DNASE2: variants seen among roughly 807,000 people sequenced by gnomAD.
The protein encoded by DNASE2 is deoxyribonuclease 2, lysosomal.
A neutral mutation model predicts 29.8 loss-of-function variants in DNASE2; 26 were observed. That is an observed-to-expected ratio of 0.87 (90% confidence interval 0.64 to 1.21). DNASE2 has a LOEUF of 1.21. Ranked by LOEUF, DNASE2 falls within the 50% of genes most tolerant of loss-of-function variation. DNASE2 has a pLI of 0.00. For missense variants in DNASE2, 415 were observed against 455.6 expected (o/e 0.91, Z 0.81); for synonymous variants, 186 against 193.5 (o/e 0.96, Z 0.32).
In DNASE2 at chr19:12,875,903, G is replaced by A. The variant is rs1394188971; in HGVS notation, c.*87C>T. On this transcript the variant is annotated 3_prime_UTR_variant, in exon 6 of 6. Transcript: ENST00000222219. Reference sequence around the variant, plus strand: ...TCACTATGTAGCCCAGGCTGGTCTCGAATTCCTGAGTTCAAGTGATCCTCC... The same window carrying A: ...TCACTATGTAGCCCAGGCTGGTCTCAAATTCCTGAGTTCAAGTGATCCTCC... The A allele has an allele frequency of 9.0e-6, 14 of 1,559,174 alleles. No homozygotes were observed. Among genetic ancestry groups the A allele is most frequent in the Admixed American group, 5.2e-5 (3 of 57,950 alleles).
chr19:12,876,694 C>T lies in DNASE2; in HGVS notation c.710-331G>A, dbSNP rs143358460. Among the ~76,000 whole-genome samples, 641 of 151,750 alleles carry T rather than the reference C, an allele frequency of 4.2e-3. 4 individuals carry two copies. Among genetic ancestry groups the T allele is most frequent in the African/African-American group, 0.014 (578 of 41,352 alleles). ...CTCAAACTCCTGATCTCAAGCAATC[C>T]GCCCACCTCGGTCTTCCAAAATGCT... On this transcript the variant is annotated intron_variant, in intron 5 of 5. Transcript: ENST00000222219.
chr19:12,880,420 G>C (rs1310208367), intron 3 of DNASE2, among the ~76,000 whole-genome samples: 3 of 152,104 alleles, frequency 2.0e-5, no homozygotes, highest in Non-Finnish European at 4.4e-5. Flanking sequence ...GGGAGGCCAA[G>C]GCGGGTAGAT....
In DNASE2 at chr19:12,880,977, TGGTGTTGCTCC is replaced by T; in HGVS notation, c.251_261del (p.Arg84GlnfsTer10). The T allele has an allele frequency of 5.0e-6, 8 of 1,614,170 alleles. No homozygotes were observed. Among genetic ancestry groups the T allele is most frequent in the Non-Finnish European group, 6.8e-6 (8 of 1,180,038 alleles). ...TGGCCCGGGGCCCCCTTCACCTGGCTGGTGTTGCTCCGGTACAGCGGCTGCAGGCTTCGGCC... is the reference window on the plus strand; with the variant it reads ...TGGCCCGGGGCCCCCTTCACCTGGCTGGTACAGCGGCTGCAGGCTTCGGCC... On this transcript the variant is annotated frameshift_variant, in exon 2 of 6. Coordinates refer to ENST00000222219, the MANE Select transcript of DNASE2 (RefSeq NM_001375.3). LOFTEE classifies it high-confidence loss of function.
chr19:12,879,484 C>CAA (rs35693082), intron 3 of DNASE2, among the ~76,000 whole-genome samples: 1,464 of 71,078 alleles, frequency 0.021, 18 homozygotes, highest in Admixed American at 0.05. Flanking sequence ...AACTCCTTCT[C>CAA]AAAAAAAAAA....
Position 12,881,026 on chromosome 19 carries a change from C to G in DNASE2, c.213G>C (p.Pro71=). 1 of 1,613,862 alleles carries G rather than the reference C, an allele frequency of 6.2e-7. No individual in the cohort carries two copies. Among genetic ancestry groups the G allele is most frequent in the Non-Finnish European group, 8.5e-7 (1 of 1,180,020 alleles). Residue 71 remains proline (P), a synonymous_variant, in exon 2 of 6, where the codon CCG becomes CCC. Transcript: ENST00000222219. The part of the protein sequence containing the change: ...WRDGRALINS[P]EGAVGRSLQP... ...GCAGGCTTCGGCCCACGGCCCCCTC[C>G]GGGCTGTTGATGAGTGCCCTGCCGT... is the stretch of plus-strand genomic sequence containing the variant.
intron 5 of DNASE2, among the ~76,000 whole-genome samples, chr19:12,877,446 C>A (rs1970334392): frequency 6.6e-6 from 1 of 151,026 alleles, no homozygotes; most frequent in Admixed American, 6.6e-5. Context: ...CGCTGTGTTG[C>A]CCAGGCTGGT....
chr19:12,875,216 A>C lies in DNASE2; in HGVS notation c.*774T>G. ...AGAAGGTTAACAGCCTCGTCCACCAATTTCCATTTATTTACTCCTCAACAA... is the reference window on the plus strand; with the variant it reads ...AGAAGGTTAACAGCCTCGTCCACCACTTTCCATTTATTTACTCCTCAACAA... On this transcript the variant is annotated 3_prime_UTR_variant, in exon 6 of 6. Coordinates refer to ENST00000222219, the MANE Select transcript of DNASE2 (RefSeq NM_001375.3). 2 of 333,462 alleles carry C rather than the reference A, an allele frequency of 6.0e-6. No homozygotes were observed. The highest frequency in any genetic ancestry group is 2.1e-5 in the African/African-American group (1 of 47,656). The allele number at this position is 333,462 out of a possible 1,614,324, so 20.7% of individuals were successfully genotyped here.
rs750372910 is a variant in DNASE2, at chr19:12,876,126, T to C, written c.947A>G (p.Gln316Arg). Residue 316 changes from glutamine to arginine, a missense_variant, in exon 6 of 6, where the codon CAG becomes CGG. Coordinates refer to ENST00000222219, the MANE Select transcript of DNASE2 (RefSeq NM_001375.3). ...WTCVGDMNRN[Q>R]GEEQRGGGTL... is the part of the protein sequence containing the mutation. ...GCCCCCACCCCGTTGCTCCTCTCCC[T>C]GGTTCCGATTCATGTCACCCACGCA... 2 of 1,614,192 alleles carry C rather than the reference T, an allele frequency of 1.2e-6. No individual in the cohort carries two copies. Among genetic ancestry groups the C allele is most frequent in the South Asian group, 2.2e-5 (2 of 91,090 alleles).
intron 3 of DNASE2, among the ~76,000 whole-genome samples, chr19:12,879,166 A>AAGTAAG (rs1339540525): frequency 0.057 from 8,073 of 140,862 alleles, 373 homozygotes; most frequent in African/African-American, 0.13. Flanking sequence ...AAGTAAGTAA[A>AAGTAAG]TAAATAAATA....
Position 12,876,246 on chromosome 19 carries a change from A to G in DNASE2, c.827T>C (p.Val276Ala), listed in dbSNP as rs752333082. Residue 276 changes from valine (V) to alanine (A), a missense_variant, in exon 6 of 6, where the codon GTG becomes GCG. Transcript: ENST00000222219. ...NCSDIWQVLN[V>A]NQIAFPGPAG... ...TGGTCCAGGGAAAGCTATCTGGTTC[A>G]CATTCAGAACCTGCCAGATATCCGA... The G allele has an allele frequency of 1.2e-6, 2 of 1,614,174 alleles. No individual in the cohort carries two copies. The highest frequency in any genetic ancestry group is 1.7e-6 in the Non-Finnish European group (2 of 1,180,030).
At chr19:12,879,725 C>T (rs747856119) in intron 3 of DNASE2, among the ~76,000 whole-genome samples, 6 of 152,130 alleles carry the variant, frequency 3.9e-5, no homozygotes, top group Non-Finnish European at 8.8e-5. Context: ...AATCGCAGCA[C>T]ATTAAGAGGC....
chr19:12,876,160 GC>G lies in DNASE2; in HGVS notation c.912del (p.Trp306GlyfsTer7). 6.2e-7 allele frequency: 1 copy of G among 1,614,222 alleles called. No individual in the cohort carries two copies. Among genetic ancestry groups the G allele is most frequent in the Non-Finnish European group, 8.5e-7 (1 of 1,180,042 alleles). The part of the protein sequence containing the change: ...DHSKWCVSPK[G>X]PWTCVGDMNR... Reference sequence around the variant, plus strand: ...TTCATGTCACCCACGCAGGTCCAGGGCCCTTTTGGGGACACGCACCATTTGG... The same window carrying G: ...TTCATGTCACCCACGCAGGTCCAGGGCCTTTTGGGGACACGCACCATTTGG... On this transcript the variant is annotated frameshift_variant, in exon 6 of 6. Transcript: ENST00000222219. LOFTEE classifies it low-confidence loss of function (END_TRUNC).
At chr19:12,876,921 C>T (rs1970327814) in intron 5 of DNASE2, among the ~76,000 whole-genome samples, 1 of 152,018 alleles carries the variant, frequency 6.6e-6, no homozygotes, top group Admixed American at 6.6e-5. Flanking sequence ...CTCCTGGTTT[C>T]AAGCGATTCT....
At position 12,878,842 on chromosome 19, in the gene DNASE2, A is replaced by G; in HGVS notation, c.347-8T>C. 3.1e-6 allele frequency: 5 copies of G among 1,611,258 alleles called. No individual in the cohort carries two copies. Among genetic ancestry groups the G allele is most frequent in the Non-Finnish European group, 3.4e-6 (4 of 1,179,154 alleles). ...GGTCAAGGAGCAGGACACCTGGACC[A>G]AAAGAAGGCATTAGGGGAGGTCGGG... On this transcript the variant is annotated splice_region_variant and splice_polypyrimidine_tract_variant and intron_variant, in intron 3 of 5. Transcript: ENST00000222219.
chr19:12,880,948 T>C, intron 2 of DNASE2, 24 bp downstream of exon 2: 1 of 1,614,202 alleles, frequency 6.2e-7, no homozygotes, highest in Non-Finnish European at 8.5e-7. Flanking sequence ...GTTTCGCCCC[T>C]AGTTGGCCCG....
intron 5 of DNASE2, among the ~76,000 whole-genome samples, chr19:12,877,494 C>A (rs1043615038): frequency 1.3e-5 from 2 of 152,134 alleles, no homozygotes; most frequent in Admixed American, 6.6e-5. Flanking sequence ...CCTGCCTCGA[C>A]TGGGATTACA....
In DNASE2 at chr19:12,878,858, G is replaced by A. The variant is rs375115482; in HGVS notation, c.347-24C>T. 3.1e-6 allele frequency: 5 copies of A among 1,605,340 alleles called. No homozygotes were observed. The African/African-American group carries it at 5.4e-5, about 17-fold the overall frequency. ...ACCTGGACCAAAAGAAGGCATTAGG[G>A]GAGGTCGGGCGCAGTGGCTCACGCC... On this transcript the variant is annotated intron_variant, in intron 3 of 5. Coordinates refer to ENST00000222219, the MANE Select transcript of DNASE2 (RefSeq NM_001375.3).
rs113410270 is a variant in DNASE2 at position 12,875,708 on chromosome 19, C to CT, written c.*281dup. On this transcript the variant is annotated 3_prime_UTR_variant, in exon 6 of 6. Coordinates refer to ENST00000222219, the MANE Select transcript of DNASE2 (RefSeq NM_001375.3). ...TGCACCCACCCGTCCCCCGCCCCCC[C>CT]TTTTTTTTTGAAACAGAGTCTTGCT... 0.032 allele frequency: 9,745 copies of CT among 300,048 alleles called. 857 individuals carry two copies. Among genetic ancestry groups the CT allele is most frequent in the African/African-American group, 0.19 (8,455 of 43,682 alleles). The allele number at this position is 300,048 out of a possible 1,614,324, so 18.6% of individuals were successfully genotyped here.
chr19:12,879,162 GTAAATAAA>G (rs1216452718), intron 3 of DNASE2, among the ~76,000 whole-genome samples: 21 of 145,458 alleles, frequency 1.4e-4, no homozygotes, highest in South Asian at 1.1e-3. Context: ...AAGTAAGTAA[GTAAATAAA>G]TAAATAAATA....
Sources: gnomAD v4.1 joint callset for allele counts (sites outside exome capture counted in the v4.1 genomes callset) on GRCh38, gnomAD v4.1.1 for gene constraint, MANE v1.5 for transcripts, NCBI Gene and HGNC (gene_info 2026-07-23, HGNC 2026-07-21) for gene names.